Variants in UNC13B observed in about 807,000 individuals in gnomAD.
UNC13B encodes the protein unc-13 homolog B.
UNC13B carries 144 observed loss-of-function variants against 211.0 expected under a neutral mutation model. The observed-to-expected ratio is 0.68, with a 90% CI of 0.60 to 0.78. The LOEUF is 0.78. UNC13B is among the 30% of genes least tolerant of loss of function. UNC13B has a pLI of 0.00. For synonymous variants in UNC13B, 709 were observed against 725.8 expected (o/e 0.98, Z 0.37); for missense variants, 1,777 against 2,002.0 (o/e 0.89, Z 2.14).
chr9:35,316,564 A>C (rs184341386), intron 11 of UNC13B, among the ~76,000 whole-genome samples: 2 of 152,208 alleles, frequency 1.3e-5, no homozygotes, highest in Non-Finnish European at 2.9e-5. Flanking sequence ...TCATAATTGC[A>C]TGCTCTAAAA....
In UNC13B at chr9:35,305,429, A is replaced by C; in HGVS notation, c.6025A>C (p.Ile2009Leu). Residue 2009 changes from isoleucine (I) to leucine (L), a missense_variant, in exon 9 of 40, where the codon ATT becomes CTT. Transcript: ENST00000635942. ...AAATACGTCTGTTTCTTCAATGACTATTAAGGATGAGGTCAGGTCAAGTCC... is the reference window on the plus strand; with the variant it reads ...AAATACGTCTGTTTCTTCAATGACTCTTAAGGATGAGGTCAGGTCAAGTCC... ...TENTSVSSMT[I>L]KDEVRSSPTP... 2.5e-6 allele frequency: 1 copy of C among 398,986 alleles called. No individual in the cohort carries two copies. Among genetic ancestry groups the C allele is most frequent in the Non-Finnish European group, 4.4e-6 (1 of 226,010 alleles). 24.7% of individuals were successfully genotyped at this position (398,986 alleles called of 1,614,324 possible). A position where few individuals can be genotyped will look rare whatever the true frequency, so the allele number is the denominator to read the frequency against.
rs1302865052 is a variant in UNC13B, at chr9:35,230,339, C to T, written c.53-781C>T. On this transcript the variant is annotated intron_variant, in intron 2 of 39. Coordinates refer to ENST00000635942, the MANE Select transcript of UNC13B (RefSeq NM_001371189.2). ...TACAAAAGTTAGCTGGGCATGGTGGCGCACACCTATAATCCCAGCTACTTG... is the reference window on the plus strand; with the variant it reads ...TACAAAAGTTAGCTGGGCATGGTGGTGCACACCTATAATCCCAGCTACTTG... 4.6e-5 allele frequency among the ~76,000 whole-genome samples: 7 copies of T among 151,816 alleles called. No individual in the cohort carries two copies. In the East Asian group the frequency reaches 5.8e-4, roughly 13 times the overall value.
At chr9:35,266,585 TAGCC>T (rs1564103200) in intron 7 of UNC13B, among the ~76,000 whole-genome samples, 1 of 152,184 alleles carries the variant, frequency 6.6e-6, no homozygotes, top group Non-Finnish European at 1.5e-5. Flanking sequence ...GGAGTTACTC[TAGCC>T]CCAGTTATTT....
chr9:35,342,837 C>T (rs981780599), intron 11 of UNC13B, among the ~76,000 whole-genome samples: 5 of 152,154 alleles, frequency 3.3e-5, no homozygotes, highest in Non-Finnish European at 5.9e-5. Context: ...ACTCAAGTAA[C>T]CTTTCTGTTC....
chr9:35,390,561 G>A (rs548808480), intron 25 of UNC13B, 68 bp from the exon 26 acceptor site: 17 of 1,547,558 alleles, frequency 1.1e-5, no homozygotes, highest in Admixed American at 1.7e-5. Context: ...AGGCACTTTA[G>A]CCTTGAAATG....
chr9:35,381,722 G>A lies in UNC13B; in HGVS notation c.10655+3G>A. 6.2e-7 allele frequency: 1 copy of A among 1,613,178 alleles called. No homozygotes were observed. Among genetic ancestry groups the A allele is most frequent in the Non-Finnish European group, 8.5e-7 (1 of 1,179,294 alleles). ...GAGTCCATATATCAGGCCATGACGT[G>A]AGTCTCTGCTGCGGCACCGGGAAGT... On this transcript the variant is annotated splice_donor_region_variant and intron_variant, in intron 20 of 39. Transcript: ENST00000635942.
chr9:35,325,864 G>T (rs1830978006), intron 11 of UNC13B, among the ~76,000 whole-genome samples: 1 of 152,160 alleles, frequency 6.6e-6, no homozygotes, highest in South Asian at 2.1e-4. Flanking sequence ...TTAGCTTAAT[G>T]TTCTTAAGGT....
chr9:35,238,011 C>T (rs1191149578), intron 5 of UNC13B, among the ~76,000 whole-genome samples, 185 bp downstream of exon 5: 1 of 152,118 alleles, frequency 6.6e-6, no homozygotes, highest in Non-Finnish European at 1.5e-5. Context: ...TAGAATAGTG[C>T]TCATTAAAGA....
chr9:35,325,042 T>C (rs932876120), intron 11 of UNC13B, among the ~76,000 whole-genome samples: 1 of 152,170 alleles, frequency 6.6e-6, no homozygotes, highest in African/African-American at 2.4e-5. Context: ...TAGATGTGAT[T>C]GGGCTCCTGA....
rs193074108 is a variant in UNC13B, at chr9:35,365,797, G to A, written c.9415-1150G>A. ...ATAGAAAGGATAGGAGGCAGATGGG[G>A]TGGAATGGGGGCTCTGGTCCGTAGG... On this transcript the variant is annotated intron_variant, in intron 11 of 39. Coordinates refer to ENST00000635942, the MANE Select transcript of UNC13B (RefSeq NM_001371189.2). Among the ~76,000 whole-genome samples, 310 of 152,306 alleles carry A rather than the reference G, an allele frequency of 2.0e-3. 1 individual carries two copies. The highest frequency in any genetic ancestry group is 6.4e-3 in the African/African-American group (264 of 41,568).
intron 1 of UNC13B, among the ~76,000 whole-genome samples, chr9:35,223,947 A>G (rs1330155383): frequency 1.3e-5 from 2 of 152,152 alleles, no homozygotes; most frequent in East Asian, 3.8e-4. Context: ...TTGTTGAAAA[A>G]TCAATTGGCT....
At chr9:35,260,707 G>A (rs772294511) in intron 7 of UNC13B, among the ~76,000 whole-genome samples, 6 of 152,002 alleles carry the variant, frequency 3.9e-5, no homozygotes, top group Non-Finnish European at 5.9e-5. Context: ...GTTTAGGACC[G>A]AACATTTAAG....
At chr9:35,317,928 T>C (rs1830548382) in intron 11 of UNC13B, among the ~76,000 whole-genome samples, 2 of 152,178 alleles carry the variant, frequency 1.3e-5, no homozygotes, top group Non-Finnish European at 2.9e-5. Flanking sequence ...AAGGGTCTTG[T>C]AATTCTTCCT....
At chr9:35,398,380 C>A in intron 31 of UNC13B, 92 bp downstream of exon 31, 1 of 1,469,548 alleles carries the variant, frequency 6.8e-7, no homozygotes, top group South Asian at 1.2e-5. Context: ...TAGGTGTAGG[C>A]CAGGAATTTA....
chr9:35,319,259 C>T (rs1413471618), intron 11 of UNC13B, among the ~76,000 whole-genome samples: 2 of 151,472 alleles, frequency 1.3e-5, no homozygotes, highest in Non-Finnish European at 2.9e-5. Context: ...AAAAATTAGC[C>T]GGGTGTGGTG....
chr9:35,302,187 T>TA lies in UNC13B; in HGVS notation c.2787dup (p.Ser930IlefsTer2), dbSNP rs1829719101. 2 of 398,618 alleles carry TA rather than the reference T, an allele frequency of 5.0e-6. No homozygotes were observed. Among genetic ancestry groups the TA allele is most frequent in the Non-Finnish European group, 8.9e-6 (2 of 225,820 alleles). The allele number at this position is 398,618 out of a possible 1,614,324, so 24.7% of individuals were successfully genotyped here. On this transcript the variant is annotated frameshift_variant, in exon 9 of 40. Transcript: ENST00000635942. LOFTEE classifies it high-confidence loss of function. ...CATGAAGATACCAAACATAGTTCAA[T>TA]AAAATCTAGTTCTGTTCCAAATATT...
rs553753218 is a variant in UNC13B at position 35,331,571 on chromosome 9, C to T, written c.9414+17582C>T. Among the ~76,000 whole-genome samples the T allele has an allele frequency of 9.2e-5, 14 of 152,220 alleles. No individual in the cohort carries two copies. The South Asian group carries it at 1.7e-3, about 18-fold the overall frequency. The stretch of plus-strand genomic sequence containing the variant: ...ACTTTTTCAGTTTTAAATCAAGCCC[C>T]TAATAAGTGGGTACTGCTGGGTACT... On this transcript the variant is annotated intron_variant, in intron 11 of 39. Coordinates refer to ENST00000635942, the MANE Select transcript of UNC13B (RefSeq NM_001371189.2).
intron 7 of UNC13B, among the ~76,000 whole-genome samples, chr9:35,276,994 T>A (rs1351202764): frequency 6.6e-6 from 1 of 152,178 alleles, no homozygotes; most frequent in Non-Finnish European, 1.5e-5. Context: ...ACTCAGAAGT[T>A]TTTCTTAGAT....
chr9:35,344,620 C>G (rs1417521026), intron 11 of UNC13B, among the ~76,000 whole-genome samples: 1 of 152,086 alleles, frequency 6.6e-6, no homozygotes, highest in Non-Finnish European at 1.5e-5. Flanking sequence ...GAATAGGAGC[C>G]TCCCATCTAG....
Sources: gnomAD v4.1 joint callset for allele counts (sites outside exome capture counted in the v4.1 genomes callset) on GRCh38, gnomAD v4.1.1 for gene constraint, MANE v1.5 for transcripts, NCBI Gene and HGNC (gene_info 2026-07-23, HGNC 2026-07-21) for gene names.